The following NSD2 variants were observed in gnomAD, a reference collection of about 807,000 sequenced individuals.
The protein encoded by NSD2 is histone-lysine N-methyltransferase NSD2.
In NSD2, 12 loss-of-function variants were observed where a neutral mutation model predicts 139.0. The ratio of observed to expected loss-of-function variants is 0.09; its 90% CI spans 0.06 to 0.14. The LOEUF is 0.14. NSD2 is among the 10% of genes least tolerant of loss of function. NSD2 has a pLI of 1.00. For synonymous variants in NSD2, 669 were observed against 648.7 expected, an observed-to-expected ratio of 1.03 and a Z score of -0.48; for missense variants, 1,155 against 1,745.0, an observed-to-expected ratio of 0.66 and a Z score of 6.02.
chr4:1,957,567 C>T (rs1398498894), intron 15 of NSD2, among the ~76,000 whole-genome samples: 1 of 151,694 alleles, frequency 6.6e-6, no homozygotes, highest in East Asian at 1.9e-4. Context: ...CGATTACAGG[C>T]GTGAGCCACT....
intron 20 of NSD2, 111 bp downstream of exon 20, chr4:1,975,511 G>A (rs1726980865): frequency 6.2e-6 from 6 of 964,184 alleles, no homozygotes; most frequent in Non-Finnish European, 9.5e-6. Context: ...TTGTTGCCGG[G>A]ACAGGTGGGA....
chr4:1,949,088 G>C (rs1723942653), intron 9 of NSD2, among the ~76,000 whole-genome samples: 1 of 152,212 alleles, frequency 6.6e-6, no homozygotes, highest in African/African-American at 2.4e-5. Context: ...GTGCTCCCCT[G>C]GCTCCCCCTC....
chr4:1,970,382 A>T lies in NSD2; in HGVS notation c.3373-4481A>T, dbSNP rs1472119139. On this transcript the variant is annotated intron_variant, in intron 18 of 21. Transcript: ENST00000508803. ...CTCTCTGGGTGTAACAGCTACAGAG[A>T]TGCAGGTTGGAGCATAGAGAATTAA... 2.0e-5 allele frequency among the ~76,000 whole-genome samples: 3 copies of T among 152,164 alleles called. No individual in the cohort carries two copies. The East Asian group carries it at 5.8e-4, about 29-fold the overall frequency.
At chr4:1,935,380 T>C (rs1015470316) in intron 7 of NSD2, 118 bp downstream of exon 7, 1 of 716,074 alleles carries the variant, frequency 1.4e-6, no homozygotes. Context: ...CCCAGCTCCT[T>C]CCAGGCTGGT....
intron 3 of NSD2, among the ~76,000 whole-genome samples, chr4:1,908,249 A>C (rs918244522): frequency 6.6e-6 from 1 of 152,222 alleles, no homozygotes; most frequent in African/African-American, 2.4e-5. Flanking sequence ...GCCAGGTTGG[A>C]TCTCACAGTT....
intron 17 of NSD2, among the ~76,000 whole-genome samples, chr4:1,960,764 A>G (rs1304424872): frequency 6.6e-6 from 1 of 152,258 alleles, no homozygotes; most frequent in Non-Finnish European, 1.5e-5. Flanking sequence ...GTTATCAGAC[A>G]GCGCTCCTGA....
At chr4:1,967,325 A>T (rs1725990554) in intron 18 of NSD2, among the ~76,000 whole-genome samples, 1 of 152,222 alleles carries the variant, frequency 6.6e-6, no homozygotes, top group Non-Finnish European at 1.5e-5. Flanking sequence ...CATGCCTGTA[A>T]TCCCAGCACT....
At chr4:1,945,635 T>C in intron 9 of NSD2, 1 of 1,064,128 alleles carries the variant, frequency 9.4e-7, no homozygotes, top group South Asian at 4.6e-5. Context: ...TGTCCTCCTC[T>C]GTGTCCCGGC....
chr4:1,947,891 T>C, intron 9 of NSD2: 3 of 1,055,030 alleles, frequency 2.8e-6, no homozygotes, highest in Non-Finnish European at 3.4e-6. Context: ...CTCTGAAGAG[T>C]AGGTGAGCGC....
intron 1 of NSD2, among the ~76,000 whole-genome samples, chr4:1,881,806 C>T (rs1176999228): frequency 6.6e-6 from 1 of 152,170 alleles, no homozygotes; most frequent in African/African-American, 2.4e-5. Flanking sequence ...TTATACCTGA[C>T]AAGGCTTTGG....
intron 9 of NSD2, chr4:1,943,781 G>C: frequency 9.4e-7 from 1 of 1,060,852 alleles, no homozygotes; most frequent in Non-Finnish European, 1.1e-6. Context: ...TATAAAAATG[G>C]CTCTGGTTCA....
At chr4:1,950,932 TGAAATCACTG>T in intron 9 of NSD2, 130 bp from the exon 10 acceptor site, 1 of 1,148,208 alleles carries the variant, frequency 8.7e-7, no homozygotes, top group African/African-American at 1.5e-5. Flanking sequence ...GGTTCCACTG[TGAAATCACTG>T]GCGGTACAGG....
chr4:1,898,049 C>G (rs1287194908), intron 1 of NSD2, among the ~76,000 whole-genome samples: 1 of 152,110 alleles, frequency 6.6e-6, no homozygotes, highest in African/African-American at 2.4e-5. Flanking sequence ...GAACTCCAGA[C>G]CCTTTAATAT....
In NSD2 at chr4:1,958,669, A is replaced by G. The variant is rs1725073227; in HGVS notation, c.2985+633A>G. Among the ~76,000 whole-genome samples, 1 of 152,236 alleles carries G rather than the reference A, an allele frequency of 6.6e-6. No homozygotes were observed. The highest frequency in any genetic ancestry group is 1.5e-5 in the Non-Finnish European group (1 of 68,044). Reference sequence around the variant, plus strand: ...CAGGTGCTCTGCCTTTGCTTGTAAAATGTGGGCTGCAGTCAATATCTTTGT... The same window carrying G: ...CAGGTGCTCTGCCTTTGCTTGTAAAGTGTGGGCTGCAGTCAATATCTTTGT... On this transcript the variant is annotated intron_variant, in intron 16 of 21. Coordinates refer to ENST00000508803, the MANE Select transcript of NSD2 (RefSeq NM_001042424.3). The surrounding 1 kb of genome is among the most constrained non-coding windows in gnomAD (Gnocchi z 4.6).
At chr4:1,939,612 G>A (rs766275264) in intron 8 of NSD2, 42 bp from the exon 9 acceptor site, 1 of 1,593,000 alleles carries the variant, frequency 6.3e-7, no homozygotes, top group East Asian at 2.2e-5. Context: ...AAAGATCAAG[G>A]GTTTATGATT....
intron 5 of NSD2, among the ~76,000 whole-genome samples, chr4:1,926,710 A>T (rs1179916835): frequency 6.6e-6 from 1 of 152,148 alleles, no homozygotes; most frequent in Non-Finnish European, 1.5e-5. Flanking sequence ...ACCTCAGGTG[A>T]TCTGCCCACC....
chr4:1,965,081 C>T (rs1024698900), intron 18 of NSD2, among the ~76,000 whole-genome samples: 1 of 81,680 alleles, frequency 1.2e-5, no homozygotes, highest in African/African-American at 4.0e-5. Context: ...AAAAAGCCTA[C>T]AAAGAGACAG....
chr4:1,944,550 G>A, intron 9 of NSD2: 1 of 1,065,146 alleles, frequency 9.4e-7, no homozygotes, highest in African/African-American at 1.6e-5. Flanking sequence ...TGGCTCTCCA[G>A]TGTAAAACTT....
At position 1,911,592 on chromosome 4, in the gene NSD2, AAAAAAAAAAAAAAAAG is replaced by A. The variant is rs1404389694; in HGVS notation, c.761-5267_761-5252del. Among the ~76,000 whole-genome samples, 480 of 142,294 alleles carry A rather than the reference AAAAAAAAAAAAAAAAG, an allele frequency of 3.4e-3. 3 individuals are homozygous for A. Among genetic ancestry groups the A allele is most frequent in the African/African-American group, 0.011 (458 of 40,206 alleles). The allele number at this position is 142,294 out of a possible 152,430, so 93.4% of individuals were successfully genotyped here. ...GACAGAGCGAGACGCCATCTCAAAAAAAAAAAAAAAAAAAAGAAAAAAAAAAAGAAAGAAAGAAATT... is the reference window on the plus strand; with the variant it reads ...GACAGAGCGAGACGCCATCTCAAAAAAAAAAAAAAAAGAAAGAAAGAAATT... On this transcript the variant is annotated intron_variant, in intron 3 of 21. Coordinates refer to ENST00000508803, the MANE Select transcript of NSD2 (RefSeq NM_001042424.3).
Sources: gnomAD v4.1 joint callset for allele counts (sites outside exome capture counted in the v4.1 genomes callset) on GRCh38, gnomAD v4.1.1 for gene constraint, Gnocchi (gnomAD v3.1) non-coding constraint, MANE v1.5 for transcripts, NCBI Gene and HGNC (gene_info 2026-07-23, HGNC 2026-07-21) for gene names.